The following PVT1 variants were observed in gnomAD, a reference collection of about 807,000 sequenced individuals.
PVT1 encodes Pvt1 oncogene, also known as CXCR4/PVT1 fusion.
chr8:128,071,528 T>G (rs56024771), intron 5 of PVT1, among the ~76,000 whole-genome samples: 1 of 148,506 alleles, frequency 6.7e-6, no homozygotes, highest in South Asian at 2.1e-4. Flanking sequence ...TAAAAATTTT[T>G]AAAAAAAAAA....
intron 3 of PVT1, among the ~76,000 whole-genome samples, chr8:127,903,905 C>T (rs1202701344): frequency 1.3e-5 from 2 of 152,158 alleles, no homozygotes; most frequent in African/African-American, 2.4e-5. Flanking sequence ...TTTGGTCATT[C>T]AGGCTCTTTT....
chr8:128,098,614 A>G (rs1302302511), intron 6 of PVT1, among the ~76,000 whole-genome samples: 1 of 152,180 alleles, frequency 6.6e-6, no homozygotes, highest in African/African-American at 2.4e-5. Flanking sequence ...CTTGTTTTTA[A>G]AATGATGAAG....
chr8:127,937,381 T>C lies in PVT1; in HGVS notation n.782+46383T>C, dbSNP rs79798186. ...TTGTGCCTCTAGCCTCCTGAGTAGC[T>C]GGGATTCCAGGTGTGTGCCATCACG... On this transcript the variant is annotated intron_variant and non_coding_transcript_variant, in intron 3 of 10. Coordinates refer to ENST00000651587, the Ensembl canonical transcript of PVT1. Among the ~76,000 whole-genome samples, 734 of 152,108 alleles carry C rather than the reference T, an allele frequency of 4.8e-3. 3 individuals carry two copies. The highest frequency in any genetic ancestry group is 7.9e-3 in the Non-Finnish European group (535 of 67,998).
At chr8:127,903,670 A>G (rs1349998435) in intron 3 of PVT1, among the ~76,000 whole-genome samples, 1 of 152,152 alleles carries the variant, frequency 6.6e-6, no homozygotes, top group African/African-American at 2.4e-5. Flanking sequence ...AGCACCATTT[A>G]TTGAATAGGA....
intron 3 of PVT1, among the ~76,000 whole-genome samples, chr8:127,911,242 A>G (rs1815893973): frequency 6.6e-6 from 1 of 152,128 alleles, no homozygotes; most frequent in Non-Finnish European, 1.5e-5. Context: ...CCCCTTGCTT[A>G]TGCTGTAGTG....
intron 3 of PVT1, among the ~76,000 whole-genome samples, chr8:127,936,032 CTCTTTTTTTT>C (rs1392000839): frequency 3.7e-5 from 5 of 134,762 alleles, no homozygotes; most frequent in Non-Finnish European, 7.8e-5. Flanking sequence ...CTCTCTCTCT[CTCTTTTTTTT>C]TTTTTTTTTT....
intron 2 of PVT1, among the ~76,000 whole-genome samples, chr8:127,824,104 C>T (rs1465789030): frequency 6.6e-6 from 1 of 152,090 alleles, no homozygotes; most frequent in Non-Finnish European, 1.5e-5. Context: ...TTGCTCGAGC[C>T]CAGGAGTTTG....
chr8:127,911,776 A>G (rs919862743), intron 3 of PVT1, among the ~76,000 whole-genome samples: 1 of 152,062 alleles, frequency 6.6e-6, no homozygotes, highest in African/African-American at 2.4e-5. Flanking sequence ...CTGTTTAGAG[A>G]AATTGATGGT....
chr8:127,875,265 G>T (rs1036518590), intron 2 of PVT1, among the ~76,000 whole-genome samples: 1 of 152,054 alleles, frequency 6.6e-6, no homozygotes, highest in Non-Finnish European at 1.5e-5. Flanking sequence ...GTACACAGAG[G>T]TGGCCTGATT....
chr8:127,806,906 G>A (rs1814535225), intron 2 of PVT1, among the ~76,000 whole-genome samples: 1 of 152,170 alleles, frequency 6.6e-6, no homozygotes, highest in African/African-American at 2.4e-5. Flanking sequence ...CTGGGACTCT[G>A]TTGTATGGAT....
chr8:127,937,580 C>CACACAG (rs59006608), intron 3 of PVT1, among the ~76,000 whole-genome samples: 3,106 of 107,726 alleles, frequency 0.029, 61 homozygotes, highest in Non-Finnish European at 0.043. Context: ...CACACACACA[C>CACACAG]AGAGAGAGAG....
intron 2 of PVT1, among the ~76,000 whole-genome samples, chr8:127,856,050 A>G (rs1292114834): frequency 6.6e-6 from 1 of 152,242 alleles, no homozygotes; most frequent in African/African-American, 2.4e-5. Context: ...TTGTGCCTAC[A>G]TCTTTATCAA....
At chr8:127,813,311 G>C (rs375078403) in intron 2 of PVT1, among the ~76,000 whole-genome samples, 1 of 150,020 alleles carries the variant, frequency 6.7e-6, no homozygotes, top group East Asian at 1.9e-4. Flanking sequence ...TGGGAAGACT[G>C]GGGGAGGAGA....
intron 4 of PVT1, among the ~76,000 whole-genome samples, chr8:128,058,028 A>G (rs1378515127): frequency 6.6e-6 from 1 of 152,216 alleles, no homozygotes; most frequent in Non-Finnish European, 1.5e-5. Flanking sequence ...ACCCTTCATC[A>G]GGAGCTGGGG....
chr8:127,990,661 C>CTGT (rs1175064806), intron 4 of PVT1, among the ~76,000 whole-genome samples: 2 of 152,218 alleles, frequency 1.3e-5, no homozygotes. Flanking sequence ...AACTGTACTT[C>CTGT]TGTTGTGCTA....
intron 3 of PVT1, among the ~76,000 whole-genome samples, chr8:127,907,380 C>T (rs557328089): frequency 4.6e-5 from 7 of 152,300 alleles, no homozygotes; most frequent in Admixed American, 1.3e-4. Flanking sequence ...AGCCCGGGCC[C>T]TTTGAAGACA....
intron 3 of PVT1, among the ~76,000 whole-genome samples, chr8:127,910,089 A>G (rs1165268102): frequency 6.6e-6 from 1 of 152,030 alleles, no homozygotes; most frequent in Non-Finnish European, 1.5e-5. Context: ...GCCTCTGCAC[A>G]CCACGTCCGT....
chr8:128,025,501 C>A (rs1288072403), intron 4 of PVT1, among the ~76,000 whole-genome samples: 2 of 151,978 alleles, frequency 1.3e-5, no homozygotes, highest in Non-Finnish European at 2.9e-5. Flanking sequence ...CTGTCCAGCT[C>A]ACCCCAGGCA....
rs74832156 is a variant in PVT1 at position 127,806,979 on chromosome 8, T to C, written n.372+10908T>C. 1.3e-3 allele frequency among the ~76,000 whole-genome samples: 197 copies of C among 152,374 alleles called. 5 individuals carry two copies. In the East Asian group the frequency reaches 0.031, roughly 24 times the overall value. Reference sequence around the variant, plus strand: ...CATCTGGGTGTTTCCACAAGATACATGTTTCATGCTTTACAACGTGCCAGA... The same window carrying C: ...CATCTGGGTGTTTCCACAAGATACACGTTTCATGCTTTACAACGTGCCAGA... On this transcript the variant is annotated intron_variant and non_coding_transcript_variant, in intron 2 of 10. Coordinates refer to ENST00000651587, the Ensembl canonical transcript of PVT1.
Sources: allele counts gnomAD v4.1 joint callset (sites outside exome capture counted in the v4.1 genomes callset), GRCh38; gene constraint gnomAD v4.1.1; transcripts MANE v1.5; gene names NCBI Gene and HGNC (gene_info 2026-07-23, HGNC 2026-07-21).